CAST: variants seen among roughly 807,000 people sequenced by gnomAD.
CAST encodes MIR583 host.
Under a neutral mutation model 119.6 loss-of-function variants are expected in CAST, and 76 were observed. That is an observed-to-expected ratio of 0.64 (90% CI 0.53 to 0.77). CAST has a LOEUF of 0.77. Ranked by LOEUF, CAST falls within the 30% of genes least tolerant of loss-of-function variation. The pLI, the probability that CAST is intolerant of heterozygous loss-of-function variation, is 0.00. For synonymous variants in CAST, 319 were observed against 331.6 expected, an observed-to-expected ratio of 0.96 and a Z score of 0.41; for missense variants, 953 against 946.5, an observed-to-expected ratio of 1.01 and a Z score of -0.09.
the CAST span, among the ~76,000 whole-genome samples, chr5:95,967,416 T>TTAAAATAAATAAATAAATAAA: frequency 1.9e-3 from 281 of 144,586 alleles, 1 homozygote; most frequent in Middle Eastern, 7.0e-3. Context: ...GACCCTATCT[T>TTAAAATAAATAAATAAATAAA]TAAATAAATA....
chr5:96,391,546 C>T, the CAST span: 2 of 152,212 alleles, frequency 1.3e-5, no homozygotes, highest in African/African-American at 2.4e-5. Context: ...TCCTGCCTAA[C>T]AGAAGATGCG....
chr5:96,108,751 C>T, the CAST span, among the ~76,000 whole-genome samples: 3 of 152,248 alleles, frequency 2.0e-5, no homozygotes, highest in Non-Finnish European at 4.4e-5. Context: ...GTGGGCTCCA[C>T]CCAGTTGGAG....
chr5:96,718,715 GAGA>G (rs763512399), intron 3 of CAST, among the ~76,000 whole-genome samples: 2 of 152,212 alleles, frequency 1.3e-5, no homozygotes, highest in Non-Finnish European at 2.9e-5. Context: ...TTGTCAAGTG[GAGA>G]AGGAGGGAAC....
At position 96,767,462 on chromosome 5, in the gene CAST, A is replaced by G; in HGVS notation, c.2155A>G (p.Lys719Glu). Residue 719 changes from lysine (K) to glutamate (E), a missense_variant, in exon 28 of 32, where the codon AAG becomes GAG. Physicochemically the swap from Lys to Glu is moderately conservative, Grantham distance 56. Transcript: ENST00000675179. Reference sequence around the variant, plus strand: ...GGACAAACCAGTGAAGCCACCTACAAAGAAATCAGAGGATTCAAAGGTAAA... The same window carrying G: ...GGACAAACCAGTGAAGCCACCTACAGAGAAATCAGAGGATTCAAAGGTAAA... ...GQDKPVKPPT[K>E]KSEDSKKPAD... The G allele has an allele frequency of 6.2e-7, 1 of 1,612,884 alleles. No individual in the cohort carries two copies. The highest frequency in any genetic ancestry group is 8.5e-7 in the Non-Finnish European group (1 of 1,179,112).
At chr5:96,224,749 G>C in the CAST span, among the ~76,000 whole-genome samples, 198 of 152,296 alleles carry the variant, frequency 1.3e-3, 1 homozygote, top group Middle Eastern at 6.8e-3. Context: ...TCTTATGGCA[G>C]CCACGGGATA....
chr5:96,250,329 T>G, the CAST span, among the ~76,000 whole-genome samples: 2 of 152,180 alleles, frequency 1.3e-5, no homozygotes, highest in Non-Finnish European at 2.9e-5. Context: ...AGCAAATTCA[T>G]CAGGGCCCCA....
At chr5:96,696,081 A>G (rs1753257990) in intron 3 of CAST, 174 bp downstream of exon 3, 3 of 390,400 alleles carry the variant, frequency 7.7e-6, no homozygotes, top group Non-Finnish European at 1.4e-5. Flanking sequence ...GATGTGAATG[A>G]TTTAAAACCT....
At chr5:95,970,587 G>T in the CAST span, among the ~76,000 whole-genome samples, 1 of 152,242 alleles carries the variant, frequency 6.6e-6, no homozygotes, top group East Asian at 1.9e-4. Context: ...ATCTGGAAAA[G>T]GAAAGGAATA....
intron 1 of CAST, among the ~76,000 whole-genome samples, chr5:96,667,491 C>T (rs890789983): frequency 2.0e-5 from 3 of 152,204 alleles, no homozygotes; most frequent in African/African-American, 7.2e-5. Context: ...TCCAGCCTTA[C>T]TTCAGGTGAA....
upstream of CAST, among the ~76,000 whole-genome samples, chr5:96,660,845 G>A (rs137987511): frequency 9.5e-3 from 1,451 of 151,958 alleles, 15 homozygotes; most frequent in Non-Finnish European, 0.016. Context: ...TTCCTGAGTG[G>A]ACATAGTCCC....
At position 96,631,996 on chromosome 5, in the gene CAST, T is replaced by C. The variant is rs62364686; in HGVS notation, c.61-43543T>C. On this transcript the variant is annotated intron_variant, in intron 1 of 11. Coordinates refer to the CAST transcript ENST00000505143. ...TGAATATTCCAATTTGTCCACATCC[T>C]CGCCAACACTTGTTATTGTCCTTTT... is the stretch of plus-strand genomic sequence containing the variant. 4.9e-3 allele frequency among the ~76,000 whole-genome samples: 749 copies of C among 151,564 alleles called. 4 individuals carry two copies. Among genetic ancestry groups the C allele is most frequent in the Non-Finnish European group, 7.1e-3 (484 of 67,876 alleles).
Position 96,662,795 on chromosome 5 carries a change from G to C in CAST, c.75+298G>C, listed in dbSNP as rs547149268. Reference sequence around the variant, plus strand: ...GTGAATGAGGATGAGGATGAACGGGGAATGAGGTTCACTCAGGACCCCCGA... The same window carrying C: ...GTGAATGAGGATGAGGATGAACGGGCAATGAGGTTCACTCAGGACCCCCGA... On this transcript the variant is annotated intron_variant, in intron 1 of 31. Transcript: ENST00000675179. Among the ~76,000 whole-genome samples the C allele has an allele frequency of 2.0e-4, 31 of 152,344 alleles. 1 individual carries two copies. The South Asian group carries it at 5.0e-3, about 24-fold the overall frequency.
At chr5:96,381,274 T>C in the CAST span, among the ~76,000 whole-genome samples, 1 of 152,146 alleles carries the variant, frequency 6.6e-6, no homozygotes, top group Non-Finnish European at 1.5e-5. Flanking sequence ...AGTGGGTTTA[T>C]TACTGTAATT....
At chr5:96,534,739 G>GAAAGAGAAAGAA (rs1554066252) in intron 1 of CAST, among the ~76,000 whole-genome samples, 41 of 22,720 alleles carry the variant, frequency 1.8e-3, no homozygotes, top group East Asian at 4.7e-3. Context: ...GAGAGAGAGA[G>GAAAGAGAAAGAA]AGAAAGAAAG....
At chr5:95,977,979 GTT>G in the CAST span, among the ~76,000 whole-genome samples, 5 of 144,552 alleles carry the variant, frequency 3.5e-5, no homozygotes, top group Non-Finnish European at 7.6e-5. Flanking sequence ...CAGGATCTTG[GTT>G]TTTTTTTTTA....
At chr5:96,487,792 T>C in the CAST span, among the ~76,000 whole-genome samples, 1 of 152,218 alleles carries the variant, frequency 6.6e-6, no homozygotes, top group Non-Finnish European at 1.5e-5. Context: ...TGAAAGCATG[T>C]GAATGAAACT....
At chr5:96,741,655 A>C (rs1470852303) in intron 15 of CAST, 75 bp downstream of exon 15, 2 of 937,444 alleles carry the variant, frequency 2.1e-6, no homozygotes, top group Non-Finnish European at 3.4e-6. Context: ...TGCCAGTAGC[A>C]CATAACCCAT....
chr5:96,109,351 A>G, the CAST span, among the ~76,000 whole-genome samples: 1 of 152,266 alleles, frequency 6.6e-6, no homozygotes, highest in African/African-American at 2.4e-5. Flanking sequence ...AATAAAGAAT[A>G]AATGTAATCA....
the CAST span, among the ~76,000 whole-genome samples, chr5:96,060,784 A>G: frequency 3.3e-5 from 5 of 152,092 alleles, no homozygotes; most frequent in African/African-American, 1.2e-4. Flanking sequence ...AGCCCCCTGT[A>G]TTAATCTGCT....
Sources: gnomAD v4.1 joint callset for allele counts (sites outside exome capture counted in the v4.1 genomes callset) on GRCh38, gnomAD v4.1.1 for gene constraint, MANE v1.5 for transcripts, NCBI Gene and HGNC (gene_info 2026-07-23, HGNC 2026-07-21) for gene names.